Variants in LRRC8D observed in about 807,000 individuals in gnomAD.
LRRC8D encodes volume-regulated anion channel subunit LRRC8D.
In LRRC8D, 20 loss-of-function variants were observed where a neutral mutation model predicts 55.8. The ratio of observed to expected loss-of-function variants is 0.36; its 90% CI spans 0.25 to 0.52. The LOEUF (loss-of-function observed/expected upper bound fraction) is 0.52, where lower values mean the gene tolerates loss of function less well. LRRC8D is among the 20% of genes least tolerant of loss of function. The pLI is 0.93. For synonymous variants in LRRC8D, 352 were observed against 377.0 expected (o/e 0.93, Z 0.77); for missense variants, 651 against 1,030.8 (o/e 0.63, Z 5.05).
chr1:89,921,558 T>TGA (rs991438184), intron 2 of LRRC8D, among the ~76,000 whole-genome samples: 2 of 152,010 alleles, frequency 1.3e-5, no homozygotes, highest in Non-Finnish European at 1.5e-5. Context: ...TTTTGTTTTT[T>TGA]GAGAGAGAGA....
rs967121083 is a variant in LRRC8D, at chr1:89,821,167, G to T, written c.-272G>T. On this transcript the variant is annotated 5_prime_UTR_variant, in exon 1 of 3. Coordinates refer to ENST00000337338, the MANE Select transcript of LRRC8D (RefSeq NM_001134479.2). ...CCGCGGGCGGGGCCGCGGGAGCAGG[G>T]TCCAGGGTGCAGCGCGCCTTCGCCG... 6.6e-6 allele frequency: 1 copy of T among 152,156 alleles called. No homozygotes were observed. Among genetic ancestry groups the T allele is most frequent in the Admixed American group, 6.6e-5 (1 of 15,182 alleles). 9.4% of individuals were successfully genotyped at this position (152,156 alleles called of 1,614,324 possible).
intron 2 of LRRC8D, among the ~76,000 whole-genome samples, chr1:89,868,446 C>T (rs1178427230): frequency 6.6e-6 from 1 of 152,092 alleles, no homozygotes; most frequent in East Asian, 1.9e-4. Flanking sequence ...CCCATGATTC[C>T]CTCAACACAT....
In LRRC8D at chr1:89,915,664, T is replaced by G. The variant is rs139336162; in HGVS notation, c.-2-17403T>G. ...CCTCTTCAGTTTACCCCAGGGCATA[T>G]ATAAATGTCCTTTCCTCTGTGGGCC... On this transcript the variant is annotated intron_variant, in intron 2 of 2. Transcript: ENST00000337338. Among the ~76,000 whole-genome samples the G allele has an allele frequency of 2.6e-5, 4 of 152,330 alleles. No individual in the cohort carries two copies. The East Asian group carries it at 7.7e-4, about 29-fold the overall frequency.
intron 2 of LRRC8D, among the ~76,000 whole-genome samples, chr1:89,870,558 TG>T (rs1661982527): frequency 6.6e-6 from 1 of 152,192 alleles, no homozygotes; most frequent in South Asian, 2.1e-4. Flanking sequence ...AGTTAAATTT[TG>T]TGTACTTTTA....
chr1:89,856,261 G>T (rs1298783244), intron 2 of LRRC8D, among the ~76,000 whole-genome samples: 1 of 152,076 alleles, frequency 6.6e-6, no homozygotes, highest in African/African-American at 2.4e-5. Context: ...TATGCTAGTA[G>T]CAAAAGTTTA....
At chr1:89,828,754 T>C (rs1660819713) in intron 1 of LRRC8D, among the ~76,000 whole-genome samples, 1 of 152,178 alleles carries the variant, frequency 6.6e-6, no homozygotes, top group South Asian at 2.1e-4. Context: ...ATTTTTTTTT[T>C]CTTAAAACAT....
chr1:89,934,938 A>G lies in LRRC8D; in HGVS notation c.1870A>G (p.Lys624Glu), dbSNP rs1359924888. ...TKLVIHNDGT[K>E]LLVLNSLKKM... is the part of the protein sequence containing the mutation. ...GTTAGTCATTCATAATGACGGCACT[A>G]AACTCTTGGTACTGAACAGCCTTAA... Residue 624 changes from lysine to glutamate, a missense_variant, in exon 3 of 3, where the codon AAA becomes GAA. By Grantham distance (56) the Lys-to-Glu change is moderately conservative. Around this residue, in one of 5 missense-constraint regions of LRRC8D, gnomAD observed 338 missense variants for 479.4 expected, o/e 0.71. Transcript: ENST00000337338. The surrounding 1 kb of genome is among the most constrained non-coding windows in gnomAD (Gnocchi z 5.9). The G allele has an allele frequency of 1.2e-6, 2 of 1,614,146 alleles. No individual in the cohort carries two copies. Among genetic ancestry groups the G allele is most frequent in the Non-Finnish European group, 1.7e-6 (2 of 1,180,020 alleles).
At chr1:89,868,899 T>G (rs537295519) in intron 2 of LRRC8D, among the ~76,000 whole-genome samples, 7 of 152,206 alleles carry the variant, frequency 4.6e-5, no homozygotes, top group Admixed American at 1.3e-4. Context: ...TGTTGTTGTT[T>G]TTTTGTTTTG....
chr1:89,896,995 G>T (rs557723844), intron 2 of LRRC8D, among the ~76,000 whole-genome samples: 2 of 152,270 alleles, frequency 1.3e-5, no homozygotes, highest in Admixed American at 1.3e-4. Flanking sequence ...GCAGATGGGG[G>T]TGCTGATTGA....
chr1:89,921,532 G>T (rs571769728), intron 2 of LRRC8D, among the ~76,000 whole-genome samples: 2 of 151,126 alleles, frequency 1.3e-5, no homozygotes, highest in Admixed American at 6.6e-5. Context: ...TTGTTTGTTT[G>T]TTTTGTTTTG....
Position 89,843,751 on chromosome 1 carries a change from C to A in LRRC8D, c.-34C>A. The A allele has an allele frequency of 1.4e-6, 1 of 698,806 alleles. No individual in the cohort carries two copies. The highest frequency in any genetic ancestry group is 2.0e-5 in the Admixed American group (1 of 49,656). 43.3% of individuals were successfully genotyped at this position (698,806 alleles called of 1,614,324 possible). A position where few individuals can be genotyped will look rare whatever the true frequency, so the allele number is the denominator to read the frequency against. ...GCCCAAGCCGCGTCCCCAGAGAGCGCCCTGAGAGAACAGGGTGGCCGCTTG... is the reference window on the plus strand; with the variant it reads ...GCCCAAGCCGCGTCCCCAGAGAGCGACCTGAGAGAACAGGGTGGCCGCTTG... On this transcript the variant is annotated 5_prime_UTR_variant, in exon 2 of 3. Coordinates refer to ENST00000337338, the MANE Select transcript of LRRC8D (RefSeq NM_001134479.2).
rs116218539 is a variant in LRRC8D, at chr1:89,876,304, G to A, written c.-3+32522G>A. Among the ~76,000 whole-genome samples the A allele has an allele frequency of 8.3e-3, 1,258 of 152,046 alleles. 22 individuals are homozygous for A. The highest frequency in any genetic ancestry group is 0.029 in the African/African-American group (1,185 of 41,462). On this transcript the variant is annotated intron_variant, in intron 2 of 2. Transcript: ENST00000337338. ...GTAGTGTTTTTATACTGTGGTCCACGGACCCCCAGGATTAAAACCACCGTG... is the reference window on the plus strand; with the variant it reads ...GTAGTGTTTTTATACTGTGGTCCACAGACCCCCAGGATTAAAACCACCGTG...
At position 89,864,370 on chromosome 1, in the gene LRRC8D, TTA is replaced by T. The variant is rs1181247546; in HGVS notation, c.-3+20589_-3+20590del. Among the ~76,000 whole-genome samples the T allele has an allele frequency of 7.4e-3, 1,121 of 152,298 alleles. 12 individuals are homozygous for T. The highest frequency in any genetic ancestry group is 0.026 in the African/African-American group (1,082 of 41,556). ...TCTTTGAATGCAGGTGGTCCTCAGTTTACAAGGAGTTGTAATTCTTCCTTCAT... is the reference window on the plus strand; with the variant it reads ...TCTTTGAATGCAGGTGGTCCTCAGTTCAAGGAGTTGTAATTCTTCCTTCAT... On this transcript the variant is annotated intron_variant, in intron 2 of 2. Transcript: ENST00000337338.
intron 2 of LRRC8D, among the ~76,000 whole-genome samples, chr1:89,903,644 G>T (rs929717817): frequency 9.2e-5 from 14 of 152,268 alleles, no homozygotes; most frequent in African/African-American, 3.4e-4. Flanking sequence ...CAGGATTCTG[G>T]TGGACTCGGT....
At chr1:89,920,621 T>A (rs1453505753) in intron 2 of LRRC8D, among the ~76,000 whole-genome samples, 7 of 151,238 alleles carry the variant, frequency 4.6e-5, no homozygotes, top group Non-Finnish European at 1.0e-4. Context: ...TTATATCAGC[T>A]ATAGAGTATA....
At chr1:89,867,617 T>C (rs1661884450) in intron 2 of LRRC8D, among the ~76,000 whole-genome samples, 1 of 152,200 alleles carries the variant, frequency 6.6e-6, no homozygotes, top group South Asian at 2.1e-4. Context: ...TTTTCTTGCG[T>C]GTATTCTGCC....
chr1:89,884,777 G>C (rs754920017), intron 2 of LRRC8D, among the ~76,000 whole-genome samples: 2 of 152,274 alleles, frequency 1.3e-5, no homozygotes, highest in Middle Eastern at 3.4e-3. Flanking sequence ...ACCAGAGAAC[G>C]GCACAGTAAC....
intron 2 of LRRC8D, among the ~76,000 whole-genome samples, chr1:89,914,752 A>C (rs1242419135): frequency 7.3e-6 from 1 of 137,392 alleles, no homozygotes; most frequent in Non-Finnish European, 1.6e-5. Context: ...AAAATTTTTT[A>C]CATATAGTGA....
intron 2 of LRRC8D, among the ~76,000 whole-genome samples, chr1:89,904,383 C>T (rs1362884831): frequency 6.6e-6 from 1 of 152,180 alleles, no homozygotes; most frequent in Admixed American, 6.5e-5. Context: ...TTAGAGATAT[C>T]AGCTGCCTGC....
Sources: gnomAD v4.1 joint callset for allele counts (sites outside exome capture counted in the v4.1 genomes callset) on GRCh38, gnomAD v4.1.1 for gene constraint, gnomAD v4.1.1 regional missense constraint, Gnocchi (gnomAD v3.1) non-coding constraint, MANE v1.5 for transcripts, NCBI Gene and HGNC (gene_info 2026-07-23, HGNC 2026-07-21) for gene names.